Variants in TTC7B observed in about 807,000 individuals in gnomAD.
TTC7B encodes the protein tetratricopeptide repeat domain 7B, also known as tetratricopeptide repeat protein 7B.
Under a neutral mutation model 106.8 loss-of-function variants are expected in TTC7B, and 28 were observed. The ratio of observed to expected loss-of-function variants is 0.26; its 90% CI spans 0.19 to 0.36. The LOEUF is 0.36. Among genes scored for constraint, TTC7B ranks in the 10% least tolerant of loss-of-function variants. The pLI is 1.00. For missense variants in TTC7B, 862 were observed against 1,076.4 expected, an observed-to-expected ratio of 0.80 and a Z score of 2.79; for synonymous variants, 405 against 430.6, an observed-to-expected ratio of 0.94 and a Z score of 0.74.
In TTC7B at chr14:90,663,247, A is replaced by G. The variant is rs1886277743; in HGVS notation, c.1153-4860T>C. Among the ~76,000 whole-genome samples, 1 of 152,184 alleles carries G rather than the reference A, an allele frequency of 6.6e-6. No homozygotes were observed. The highest frequency in any genetic ancestry group is 6.5e-5 in the Admixed American group (1 of 15,284). On this transcript the variant is annotated intron_variant, in intron 9 of 19. Transcript: ENST00000328459. The surrounding 1 kb of genome is among the most constrained non-coding windows in gnomAD (Gnocchi z 4.5). ...ACGCGGGCCTCAGAGTTGGTGGTGGAGCCAGCTGGGAGTGAAGCGGTCTGC... is the reference window on the plus strand; with the variant it reads ...ACGCGGGCCTCAGAGTTGGTGGTGGGGCCAGCTGGGAGTGAAGCGGTCTGC...
chr14:90,610,079 ATC>A (rs1566796836), intron 17 of TTC7B, among the ~76,000 whole-genome samples: 1 of 152,244 alleles, frequency 6.6e-6, no homozygotes. Context: ...CTTGGGTCCA[ATC>A]CCAGGATATC....
Position 90,648,292 on chromosome 14 carries a change from T to C in TTC7B, c.1518-1269A>G, listed in dbSNP as rs564786413. 3.3e-5 allele frequency: 5 copies of C among 152,346 alleles called. No individual in the cohort carries two copies. The South Asian group carries it at 1.0e-3, about 32-fold the overall frequency. The allele number at this position is 152,346 out of a possible 1,614,324, so 9.4% of individuals were successfully genotyped here. ...AGCCTCAGGACTTTTCTTAGCTTAG[T>C]TGAAGAGGCTGAAGCTGATATTGCC... is the stretch of plus-strand genomic sequence containing the variant. On this transcript the variant is annotated intron_variant, in intron 13 of 19. Coordinates refer to ENST00000328459, the MANE Select transcript of TTC7B (RefSeq NM_001010854.2).
chr14:90,638,417 C>T (rs969065975), intron 15 of TTC7B, among the ~76,000 whole-genome samples: 10 of 152,146 alleles, frequency 6.6e-5, no homozygotes, highest in African/African-American at 2.4e-4. Context: ...AAACCAGTTA[C>T]CTTTCTATAC....
intron 18 of TTC7B, among the ~76,000 whole-genome samples, chr14:90,582,403 C>T (rs891463505): frequency 3.3e-5 from 5 of 152,254 alleles, no homozygotes; most frequent in Admixed American, 2.0e-4. Flanking sequence ...CCATAGCTCT[C>T]CCAGGGCAGT....
rs117336403 is a variant in TTC7B at position 90,656,747 on chromosome 14, C to T, written c.1341+427G>A. Among the ~76,000 whole-genome samples, 19 of 152,198 alleles carry T rather than the reference C, an allele frequency of 1.2e-4. No homozygotes were observed. In the East Asian group the frequency reaches 2.9e-3, roughly 23 times the overall value. On this transcript the variant is annotated intron_variant, in intron 11 of 19. Coordinates refer to ENST00000328459, the MANE Select transcript of TTC7B (RefSeq NM_001010854.2). ...GGTTGAGGCTGCAGTGAGCTCTGAT[C>T]GTGCACTCCAGCCTGGGTGACAGAG...
intron 17 of TTC7B, among the ~76,000 whole-genome samples, chr14:90,597,301 G>A (rs1490021518): frequency 6.6e-6 from 1 of 152,126 alleles, no homozygotes; most frequent in African/African-American, 2.4e-5. Flanking sequence ...CATTGAATTA[G>A]TATTGGAAGG....
chr14:90,725,478 A>G (rs929795943), intron 5 of TTC7B, among the ~76,000 whole-genome samples: 1 of 152,318 alleles, frequency 6.6e-6, no homozygotes, highest in South Asian at 2.1e-4. Flanking sequence ...AAACAATTGC[A>G]AAGAGATTAT....
chr14:90,591,734 GACACTAA>G (rs555501310), intron 18 of TTC7B, among the ~76,000 whole-genome samples: 14 of 152,326 alleles, frequency 9.2e-5, no homozygotes, highest in Admixed American at 6.5e-4. Context: ...ACCTGGCCTG[GACACTAA>G]ACCATACTCC....
intron 3 of TTC7B, among the ~76,000 whole-genome samples, chr14:90,775,145 A>G (rs1033192873): frequency 6.6e-6 from 1 of 152,126 alleles, no homozygotes; most frequent in African/African-American, 2.4e-5. Context: ...TAAGGCACCA[A>G]TGTATTCATG....
intron 16 of TTC7B, among the ~76,000 whole-genome samples, chr14:90,612,695 AACTG>A (rs1174714259): frequency 6.6e-6 from 1 of 152,198 alleles, no homozygotes; most frequent in East Asian, 1.9e-4. Flanking sequence ...TCCTACACAG[AACTG>A]TGTGAGGATG....
intron 18 of TTC7B, among the ~76,000 whole-genome samples, chr14:90,591,768 T>C (rs1293459848): frequency 3.3e-5 from 5 of 152,228 alleles, no homozygotes; most frequent in Non-Finnish European, 7.3e-5. Flanking sequence ...TTCTGTTCTC[T>C]GTAGTTGTTG....
chr14:90,731,379 A>T (rs1045822503), intron 4 of TTC7B, among the ~76,000 whole-genome samples: 2 of 152,228 alleles, frequency 1.3e-5, no homozygotes, highest in African/African-American at 4.8e-5. Context: ...GCTCTTCAAA[A>T]GACCCAGTTG....
intron 5 of TTC7B, among the ~76,000 whole-genome samples, chr14:90,721,366 C>T (rs922205449): frequency 1.3e-5 from 2 of 152,076 alleles, no homozygotes; most frequent in South Asian, 2.1e-4. Context: ...AGAGGGGTTT[C>T]GGAATTTCAT....
At chr14:90,567,635 G>C (rs756063662) in intron 19 of TTC7B, 1 of 152,384 alleles carries the variant, frequency 6.6e-6, no homozygotes, top group Non-Finnish European at 1.5e-5. Context: ...CCATTTTACA[G>C]ATAGGAAGAG....
At position 90,572,407 on chromosome 14, in the gene TTC7B, G is replaced by T. The variant is rs1275383666; in HGVS notation, c.2310+5699C>A. On this transcript the variant is annotated intron_variant, in intron 19 of 19. Transcript: ENST00000328459. ...ACATATCCACTGCACCTCACATCGT[G>T]GGGCCATCTCCCAAACCTACCATCA... Among the ~76,000 whole-genome samples the T allele has an allele frequency of 2.6e-5, 4 of 152,190 alleles. No individual in the cohort carries two copies. In the East Asian group the frequency reaches 7.7e-4, roughly 29 times the overall value.
chr14:90,706,085 A>G (rs1742092), intron 5 of TTC7B, among the ~76,000 whole-genome samples: 50,602 of 151,928 alleles, frequency 0.33, 8,748 homozygotes, highest in Middle Eastern at 0.39. Context: ...CAACACTTTC[A>G]GCATCAATCT....
intron 5 of TTC7B, among the ~76,000 whole-genome samples, chr14:90,713,984 T>C (rs1888547256): frequency 1.3e-5 from 2 of 152,000 alleles, no homozygotes. Flanking sequence ...TCCCAGCACT[T>C]TGGGAGGTGG....
intron 4 of TTC7B, among the ~76,000 whole-genome samples, chr14:90,740,474 A>G (rs922283393): frequency 2.3e-4 from 33 of 145,330 alleles, no homozygotes; most frequent in African/African-American, 8.1e-4. Flanking sequence ...CTGCATAAAC[A>G]TTCCCCTGAA....
intron 14 of TTC7B, among the ~76,000 whole-genome samples, chr14:90,646,330 T>A (rs1300167015): frequency 6.6e-6 from 1 of 152,088 alleles, no homozygotes; most frequent in Non-Finnish European, 1.5e-5. Context: ...TGGGAGGGGA[T>A]AGGAGGGTTT....
Sources: gnomAD v4.1 joint callset for allele counts (sites outside exome capture counted in the v4.1 genomes callset) on GRCh38, gnomAD v4.1.1 for gene constraint, Gnocchi (gnomAD v3.1) non-coding constraint, MANE v1.5 for transcripts, NCBI Gene and HGNC (gene_info 2026-07-23, HGNC 2026-07-21) for gene names.